Variants in MED26 observed in about 807,000 individuals in gnomAD.
MED26 encodes mediator complex subunit 26.
Under a neutral mutation model 43.7 loss-of-function variants are expected in MED26, and 7 were observed. That is an observed-to-expected ratio of 0.16 (90% CI 0.09 to 0.30). MED26 has a LOEUF of 0.30. Among genes scored for constraint, MED26 ranks in the 10% least tolerant of loss-of-function variants. The probability of loss-of-function intolerance (pLI) is 1.00; values close to 1 mark genes in which losing one functional copy is unlikely to be tolerated. For missense variants in MED26, 784 were observed against 840.6 expected (o/e 0.93, Z 0.83); for synonymous variants, 375 against 371.1 (o/e 1.01, Z -0.12).
At chr19:16,582,686 G>A (rs751347871) in intron 1 of MED26, among the ~76,000 whole-genome samples, 3 of 152,148 alleles carry the variant, frequency 2.0e-5, no homozygotes, top group Non-Finnish European at 4.4e-5. Context: ...CTCAGGGCAG[G>A]GAGGCAGGCC....
At position 16,578,000 on chromosome 19, in the gene MED26, G is replaced by A; in HGVS notation, c.148-318C>T. 2 of 477,108 alleles carry A rather than the reference G, an allele frequency of 4.2e-6. No homozygotes were observed. Among genetic ancestry groups the A allele is most frequent in the Non-Finnish European group, 7.4e-6 (2 of 269,870 alleles). 29.6% of individuals were successfully genotyped at this position (477,108 alleles called of 1,614,324 possible). ...GCCAGAGAGGCTTCCTGGGTGAGAG[G>A]GTGCTGTGGCCGAGGCGACAGCACA... On this transcript the variant is annotated intron_variant, in intron 2 of 2. Transcript: ENST00000263390. This position sits in a 1 kb window ranked among gnomAD's most constrained non-coding sequence, Gnocchi z 8.1.
At chr19:16,591,183 T>G (rs1040743882) in intron 1 of MED26, among the ~76,000 whole-genome samples, 4 of 151,984 alleles carry the variant, frequency 2.6e-5, no homozygotes, top group African/African-American at 9.7e-5. Flanking sequence ...AAGGACTGCT[T>G]CTTTGTTAGA....
At chr19:16,627,835 T>A (rs1161439903) in intron 1 of MED26, 37 bp downstream of exon 1, 1 of 1,444,774 alleles carries the variant, frequency 6.9e-7, no homozygotes, top group South Asian at 1.4e-5. Flanking sequence ...CCCGGGCCCA[T>A]GCGGCCTCCG....
rs1047223011 is a variant in MED26 at position 16,574,931 on chromosome 19, T to A, written c.*1096A>T. On this transcript the variant is annotated 3_prime_UTR_variant, in exon 3 of 3. Transcript: ENST00000263390. ...TGGTTTGTGCAAATGGTTTTTTTTT[T>A]TTTTTTATTTCCACATTTATATCAC... The A allele has an allele frequency of 2.0e-5, 3 of 152,552 alleles. No individual in the cohort carries two copies. Among genetic ancestry groups the A allele is most frequent in the Admixed American group, 2.0e-4 (3 of 15,274 alleles). 9.4% of individuals were successfully genotyped at this position (152,552 alleles called of 1,614,324 possible). A position where few individuals can be genotyped will look rare whatever the true frequency, so the allele number is the denominator to read the frequency against.
At chr19:16,614,512 G>A (rs937789827) in intron 1 of MED26, among the ~76,000 whole-genome samples, 2 of 149,348 alleles carry the variant, frequency 1.3e-5, no homozygotes, top group African/African-American at 4.9e-5. Flanking sequence ...GGGTGACAGA[G>A]TAAGACCCCA....
At chr19:16,609,336 A>AAAAAAAAAAAAAAAGAGAGAG (rs765489188) in intron 1 of MED26, among the ~76,000 whole-genome samples, 12 of 142,374 alleles carry the variant, frequency 8.4e-5, no homozygotes, top group Non-Finnish European at 1.1e-4. Flanking sequence ...AAAAAAAAAA[A>AAAAAAAAAAAAAAAGAGAGAG]AGAGAGAGAA....
At chr19:16,585,142 G>T (rs190190322) in intron 1 of MED26, among the ~76,000 whole-genome samples, 84 of 152,286 alleles carry the variant, frequency 5.5e-4, no homozygotes, top group African/African-American at 2.0e-3. Flanking sequence ...CTGGTACTGG[G>T]CTGCTGCTTA....
At chr19:16,608,661 T>C (rs1018429544) in intron 1 of MED26, among the ~76,000 whole-genome samples, 2 of 152,242 alleles carry the variant, frequency 1.3e-5, no homozygotes, top group Non-Finnish European at 2.9e-5. Context: ...AAAATTCACA[T>C]TGACATAAAT....
intron 1 of MED26, among the ~76,000 whole-genome samples, chr19:16,614,180 G>A (rs2086212305): frequency 6.6e-6 from 1 of 152,172 alleles, no homozygotes; most frequent in South Asian, 2.1e-4. Flanking sequence ...CACCAAAGTA[G>A]AAGCAGCTGA....
At chr19:16,615,002 C>T (rs2086217269) in intron 1 of MED26, among the ~76,000 whole-genome samples, 1 of 152,074 alleles carries the variant, frequency 6.6e-6, no homozygotes, top group Non-Finnish European at 1.5e-5. Flanking sequence ...CATTTGTAAA[C>T]TGGTCACTGG....
intron 1 of MED26, among the ~76,000 whole-genome samples, chr19:16,622,827 C>A (rs1274806281): frequency 6.6e-6 from 1 of 152,174 alleles, no homozygotes; most frequent in South Asian, 2.1e-4. Flanking sequence ...GGGACCCCTC[C>A]CGCTGGACTG....
intron 1 of MED26, among the ~76,000 whole-genome samples, chr19:16,619,773 G>C (rs2086243128): frequency 6.6e-6 from 1 of 152,178 alleles, no homozygotes; most frequent in African/African-American, 2.4e-5. Context: ...ATAAAACCAT[G>C]CTGTGCACCC....
At position 16,614,559 on chromosome 19, in the gene MED26, G is replaced by C. The variant is rs74260261; in HGVS notation, c.72+13313C>G. On this transcript the variant is annotated intron_variant, in intron 1 of 2. Transcript: ENST00000263390. ...AATAAAATAAAATAAAAAGGTGGGG[G>C]GTGGGTGGGGAGTGTCTGCCCAGGC... 2.8e-4 allele frequency among the ~76,000 whole-genome samples: 43 copies of C among 152,150 alleles called. No individual in the cohort carries two copies. In the East Asian group the frequency reaches 6.8e-3, roughly 24 times the overall value.
At chr19:16,627,850 A>G in intron 1 of MED26, 22 bp downstream of exon 1, 2 of 1,471,132 alleles carry the variant, frequency 1.4e-6, no homozygotes, top group Non-Finnish European at 9.1e-7. Flanking sequence ...CCTCCGTCCC[A>G]GCTCGCGCGG....
intron 1 of MED26, among the ~76,000 whole-genome samples, chr19:16,578,984 C>T (rs2086029134): frequency 6.6e-6 from 1 of 152,116 alleles, no homozygotes; most frequent in Admixed American, 6.5e-5. Context: ...GCCTGTAGTT[C>T]CAGCTACTTG....
rs199753501 is a variant in MED26 at position 16,621,867 on chromosome 19, TACA to T, written c.72+6002_72+6004del. 6.2e-3 allele frequency among the ~76,000 whole-genome samples: 946 copies of T among 152,024 alleles called. 14 individuals are homozygous for T. The highest frequency in any genetic ancestry group is 0.021 in the African/African-American group (861 of 41,440). Reference sequence around the variant, plus strand: ...CACAGAGCAAATCTAATCCAGAGGGTACAACAACACCCCAAATACTGAAAACCA... The same window carrying T: ...CACAGAGCAAATCTAATCCAGAGGGTACAACACCCCAAATACTGAAAACCA... On this transcript the variant is annotated intron_variant, in intron 1 of 2. Transcript: ENST00000263390.
At chr19:16,594,376 A>G (rs1206728834) in intron 1 of MED26, among the ~76,000 whole-genome samples, 1 of 152,232 alleles carries the variant, frequency 6.6e-6, no homozygotes, top group Non-Finnish European at 1.5e-5. Flanking sequence ...AGTGGGGTGG[A>G]GCGGATCTCA....
At chr19:16,602,103 T>G (rs2086152484) in intron 1 of MED26, among the ~76,000 whole-genome samples, 1 of 152,226 alleles carries the variant, frequency 6.6e-6, no homozygotes, top group Non-Finnish European at 1.5e-5. Context: ...CAGCCTGTCC[T>G]ACTGACGTGC....
intron 1 of MED26, among the ~76,000 whole-genome samples, chr19:16,624,852 T>C (rs867147323): frequency 1.8e-4 from 27 of 152,274 alleles, no homozygotes; most frequent in African/African-American, 5.3e-4. Flanking sequence ...AGGTAGAAAG[T>C]GTGCCTAATG....
Sources: allele counts gnomAD v4.1 joint callset (sites outside exome capture counted in the v4.1 genomes callset), GRCh38; gene constraint gnomAD v4.1.1; non-coding constraint Gnocchi (gnomAD v3.1); transcripts MANE v1.5; gene names NCBI Gene and HGNC (gene_info 2026-07-23, HGNC 2026-07-21).